Variants in VAX2 observed in about 807,000 individuals in gnomAD.
The protein encoded by VAX2 is ventral anterior homeobox 2.
In VAX2, 8 loss-of-function variants were observed where a neutral mutation model predicts 12.5. That is an observed-to-expected ratio of 0.64 (90% CI 0.37 to 1.15). VAX2 has a LOEUF of 1.15. VAX2 is among the 50% of genes most tolerant of loss of function. The pLI, the probability that VAX2 is intolerant of heterozygous loss-of-function variation, is 0.01. For missense variants in VAX2, 476 were observed against 412.9 expected, an observed-to-expected ratio of 1.15 and a Z score of -1.32; for synonymous variants, 183 against 187.6, an observed-to-expected ratio of 0.98 and a Z score of 0.20.
At chr2:70,906,381 A>T (rs1558653395) in intron 1 of VAX2, among the ~76,000 whole-genome samples, 1 of 152,204 alleles carries the variant, frequency 6.6e-6, no homozygotes, top group Non-Finnish European at 1.5e-5. Context: ...CCGGAAAGTC[A>T]GGGTGAGTGC....
At chr2:70,912,402 C>CT in intron 1 of VAX2, among the ~76,000 whole-genome samples, 1 of 152,176 alleles carries the variant, frequency 6.6e-6, no homozygotes, top group Non-Finnish European at 1.5e-5. Context: ...TGGCTCATGC[C>CT]TGTAATCCCA....
At chr2:70,918,086 G>C (rs1160901905) in intron 1 of VAX2, among the ~76,000 whole-genome samples, 4 of 152,222 alleles carry the variant, frequency 2.6e-5, no homozygotes, top group African/African-American at 9.6e-5. Flanking sequence ...TGGAGTTGGG[G>C]AGCTTGAGTT....
At chr2:70,917,551 T>C (rs1391005861) in intron 1 of VAX2, among the ~76,000 whole-genome samples, 1 of 152,208 alleles carries the variant, frequency 6.6e-6, no homozygotes, top group Non-Finnish European at 1.5e-5. Flanking sequence ...TTCTTTTTGC[T>C]GTTCTGATAG....
At chr2:70,922,872 T>C (rs1679489562) in intron 2 of VAX2, among the ~76,000 whole-genome samples, 1 of 152,144 alleles carries the variant, frequency 6.6e-6, no homozygotes, top group East Asian at 1.9e-4. Context: ...CCAGAACTCC[T>C]GGGGAAGTCA....
Position 70,933,184 on chromosome 2 carries a change from T to C in VAX2, c.853T>C (p.Cys285Arg), listed in dbSNP as rs1284173116. 5.2e-6 allele frequency: 8 copies of C among 1,526,550 alleles called. No individual in the cohort carries two copies. Among genetic ancestry groups the C allele is most frequent in the Non-Finnish European group, 7.0e-6 (8 of 1,138,980 alleles). 94.6% of individuals were successfully genotyped at this position (1,526,550 alleles called of 1,614,324 possible). A position where few individuals can be genotyped will look rare whatever the true frequency, so the allele number is the denominator to read the frequency against. ...LERKVGSASSCKKANT is the reference protein window; with the variant it reads ...LERKVGSASSRKKANT ...ACGGAAAGTGGGCAGCGCCAGCAGC[T>C]GCAAGAAAGCTAACACTTAAGACTC... The change falls in exon 3 of 3, where the codon TGC becomes CGC. Residue 285 changes from cysteine to arginine, a missense_variant. Cys to Arg is a radical substitution (Grantham distance 180, BLOSUM62 -3). Transcript: ENST00000234392.
At chr2:70,903,415 CA>C (rs1307341134) in intron 1 of VAX2, among the ~76,000 whole-genome samples, 1 of 152,180 alleles carries the variant, frequency 6.6e-6, no homozygotes, top group African/African-American at 2.4e-5. Flanking sequence ...CACCTAAGGG[CA>C]TACCACAGGG....
chr2:70,924,126 A>C (rs1321724299), intron 2 of VAX2: 1 of 152,072 alleles, frequency 6.6e-6, no homozygotes, highest in Non-Finnish European at 1.5e-5. Context: ...GCTTCACTGC[A>C]CTCCAGCCTG....
intron 1 of VAX2, among the ~76,000 whole-genome samples, chr2:70,915,589 A>C (rs1228391198): frequency 2.6e-5 from 4 of 152,190 alleles, no homozygotes; most frequent in Non-Finnish European, 4.4e-5. Flanking sequence ...CATTCTAAAA[A>C]CATCCTCCTA....
intron 2 of VAX2, among the ~76,000 whole-genome samples, chr2:70,931,194 G>C (rs547281334): frequency 1.3e-5 from 2 of 152,214 alleles, no homozygotes; most frequent in Non-Finnish European, 2.9e-5. Flanking sequence ...AAGGGGTTTG[G>C]AGCACTGGGT....
intron 1 of VAX2, among the ~76,000 whole-genome samples, chr2:70,915,668 G>C (rs574585484): frequency 3.3e-5 from 5 of 152,102 alleles, no homozygotes; most frequent in Non-Finnish European, 7.4e-5. Context: ...GAAATGTGTT[G>C]TTATTTATGG....
In VAX2 at chr2:70,927,803, G is replaced by A. The variant is rs147207587; in HGVS notation, c.436-4964G>A. On this transcript the variant is annotated intron_variant, in intron 2 of 2. Coordinates refer to ENST00000234392, the MANE Select transcript of VAX2 (RefSeq NM_012476.3). ...TGGGTCACAGTGTGGCCCAGCAAGA[G>A]ATCGCGGAGGGGGGCGGGGCAGCCA... Among the ~76,000 whole-genome samples the A allele has an allele frequency of 4.0e-3, 601 of 152,148 alleles. 3 individuals are homozygous for A. The highest frequency in any genetic ancestry group is 0.014 in the African/African-American group (576 of 41,482).
intron 1 of VAX2, among the ~76,000 whole-genome samples, chr2:70,911,646 G>A (rs1386581636): frequency 6.6e-6 from 1 of 152,146 alleles, no homozygotes; most frequent in Admixed American, 6.5e-5. Flanking sequence ...CAAAAAACAA[G>A]GATATCTCAT....
intron 2 of VAX2, among the ~76,000 whole-genome samples, chr2:70,925,345 A>G (rs1226493700): frequency 6.6e-6 from 1 of 152,158 alleles, no homozygotes; most frequent in African/African-American, 2.4e-5. Context: ...CTAATGTGAG[A>G]GGCACTCTAA....
In VAX2 at chr2:70,923,128, C is replaced by T. The variant is rs114468560; in HGVS notation, c.435+1843C>T. On this transcript the variant is annotated intron_variant, in intron 2 of 2. Transcript: ENST00000234392. ...AATGTATTTATAGGCCATGGCTCCT[C>T]GTCGTGCTTCACAAGGAGCCCAGAA... Among the ~76,000 whole-genome samples, 137 of 152,250 alleles carry T rather than the reference C, an allele frequency of 9.0e-4. 1 individual carries two copies. In the Middle Eastern group the frequency reaches 0.014, roughly 15 times the overall value.
At chr2:70,921,591 G>T (rs1394517762) in intron 2 of VAX2, among the ~76,000 whole-genome samples, 1 of 152,118 alleles carries the variant, frequency 6.6e-6, no homozygotes, top group African/African-American at 2.4e-5. Context: ...GTGGCTTGGG[G>T]GGGTGTTGGC....
intron 1 of VAX2, among the ~76,000 whole-genome samples, chr2:70,914,867 TCTTGGCTCA>T (rs1270697975): frequency 2.6e-5 from 4 of 151,560 alleles, no homozygotes; most frequent in Non-Finnish European, 4.4e-5. Context: ...AACGGTGCGA[TCTTGGCTCA>T]CTGCAACCTC....
At chr2:70,909,981 G>T (rs994909233) in intron 1 of VAX2, among the ~76,000 whole-genome samples, 9 of 151,732 alleles carry the variant, frequency 5.9e-5, no homozygotes, top group South Asian at 2.1e-4. Flanking sequence ...TGAACAAATG[G>T]TTTTTTTTAA....
rs1358648898 is a variant in VAX2 at position 70,932,945 on chromosome 2, C to G, written c.614C>G (p.Pro205Arg). Residue 205 changes from proline (P) to arginine (R), a missense_variant, in exon 3 of 3, where the codon CCT becomes CGT. Physicochemically the swap from Pro to Arg is moderately radical, Grantham distance 103 (BLOSUM62 -2). Coordinates refer to ENST00000234392, the MANE Select transcript of VAX2 (RefSeq NM_012476.3). ...GCCCCTAGCCTCCTGGCGCTGACCC[C>G]TAGCCTGCCAGGCCTACCTGCCAGC... ...PRAPSLLALT[P>R]SLPGLPASHR... 1.2e-6 allele frequency: 2 copies of G among 1,612,674 alleles called. No individual in the cohort carries two copies. Among genetic ancestry groups the G allele is most frequent in the East Asian group, 4.5e-5 (2 of 44,838 alleles).
At position 70,921,254 on chromosome 2, in the gene VAX2, T is replaced by G. The variant is rs1679451948; in HGVS notation, c.404T>G (p.Leu135Arg). 6.2e-7 allele frequency: 1 copy of G among 1,612,126 alleles called. No individual in the cohort carries two copies. Among genetic ancestry groups the G allele is most frequent in the African/African-American group, 1.3e-5 (1 of 74,916 alleles). The part of the protein sequence containing the change: ...QYVVGRERTE[L>R]ARQLNLSETQ... ...GTGGTGGGCCGCGAGCGCACTGAGC[T>G]GGCCCGCCAGCTGAACCTCTCCGAG... The change falls in exon 2 of 3, where the codon CTG becomes CGG. Residue 135 changes from leucine to arginine, a missense_variant. Leu to Arg is a moderately radical substitution (Grantham distance 102). Transcript: ENST00000234392.
Sources: allele counts gnomAD v4.1 joint callset (sites outside exome capture counted in the v4.1 genomes callset), GRCh38; gene constraint gnomAD v4.1.1; transcripts MANE v1.5; gene names NCBI Gene and HGNC (gene_info 2026-07-23, HGNC 2026-07-21).